GSPT1: variants seen among roughly 807,000 people sequenced by gnomAD.
The protein encoded by GSPT1 is G1 to S phase transition 1.
Under a neutral mutation model 72.5 loss-of-function variants are expected in GSPT1, and 20 were observed. The observed-to-expected ratio is 0.28, with a 90% CI of 0.19 to 0.40. The LOEUF (loss-of-function observed/expected upper bound fraction) is 0.40. Ranked by LOEUF, GSPT1 falls within the 10% of genes least tolerant of loss-of-function variation. The probability of loss-of-function intolerance (pLI) is 1.00; values close to 1 mark genes in which losing one functional copy is unlikely to be tolerated. For missense variants in GSPT1, 580 were observed against 811.9 expected, an observed-to-expected ratio of 0.71 and a Z score of 3.47; for synonymous variants, 334 against 293.5, an observed-to-expected ratio of 1.14 and a Z score of -1.41.
chr16:11,915,374 C>T lies in GSPT1; in HGVS notation c.347G>A (p.Arg116His), dbSNP rs1432502410. Reference sequence around the variant, plus strand: ...CCCGCGTCCCGGGCCTTTACCCGCACGGCCTCCCGCGCCGCTGCCGGCTCC... The same window carrying T: ...CCCGCGTCCCGGGCCTTTACCCGCATGGCCTCCCGCGCCGCTGCCGGCTCC... The part of the protein sequence containing the change: ...NHGAGSGAGG[R>H]AAPVESSQEE... Residue 116 changes from arginine (R) to histidine (H), a missense_variant, in exon 1 of 15, where the codon CGT becomes CAT. This residue lies in a region of GSPT1 where 327 missense variants were observed against 298.8 expected (regional missense o/e 1.09). Transcript: ENST00000434724. 2.0e-6 allele frequency: 3 copies of T among 1,481,670 alleles called. No homozygotes were observed. The highest frequency in any genetic ancestry group is 1.8e-6 in the Non-Finnish European group (2 of 1,121,432). The allele number at this position is 1,481,670 out of a possible 1,614,324, so 91.8% of individuals were successfully genotyped here. A position where few individuals can be genotyped will look rare whatever the true frequency, so the allele number is the denominator to read the frequency against.
chr16:11,874,994 A>C (rs976803262), intron 14 of GSPT1, among the ~76,000 whole-genome samples: 4 of 152,230 alleles, frequency 2.6e-5, no homozygotes, highest in Admixed American at 6.5e-5. Flanking sequence ...GATCAAGACC[A>C]TCCTGGCTAA....
chr16:11,868,166 A>C lies in GSPT1; in HGVS notation c.*4953T>G, dbSNP rs2053939337. On this transcript the variant is annotated 3_prime_UTR_variant, in exon 15 of 15. Coordinates refer to ENST00000434724, the MANE Select transcript of GSPT1 (RefSeq NM_002094.4). Reference sequence around the variant, plus strand: ...ATGACAACTTTTATTGTTATTACAAAAGCAAATTTAATTTGTCATTTGAAT... The same window carrying C: ...ATGACAACTTTTATTGTTATTACAACAGCAAATTTAATTTGTCATTTGAAT... 6.6e-6 allele frequency: 1 copy of C among 152,224 alleles called. No individual in the cohort carries two copies. Among genetic ancestry groups the C allele is most frequent in the Non-Finnish European group, 1.5e-5 (1 of 68,038 alleles). The allele number at this position is 152,224 out of a possible 1,614,324, so 9.4% of individuals were successfully genotyped here. A position where few individuals can be genotyped will look rare whatever the true frequency, so the allele number is the denominator to read the frequency against.
intron 1 of GSPT1, chr16:11,915,161 C>G: frequency 9.7e-7 from 1 of 1,031,088 alleles, no homozygotes; most frequent in African/African-American, 1.7e-5. Flanking sequence ...GCGCGCTGCC[C>G]GCTGTCCGCT....
At position 11,915,709 on chromosome 16, in the gene GSPT1, G is replaced by A; in HGVS notation, c.12C>T (p.Gly4=). ...CGCCGCCGCCGCCGCCGCCGCCACTGCCCGGATCCATGATCGGGGGGGCCG... is the reference window on the plus strand; with the variant it reads ...CGCCGCCGCCGCCGCCGCCGCCACTACCCGGATCCATGATCGGGGGGGCCG... MDP[G]SGGGGGGGGG... is the part of the protein sequence containing the mutation. The change falls in exon 1 of 15, where the codon GGC becomes GGT. Residue 4 remains glycine, a synonymous_variant. Transcript: ENST00000434724. 5 of 1,509,376 alleles carry A rather than the reference G, an allele frequency of 3.3e-6. No homozygotes were observed. Among genetic ancestry groups the A allele is most frequent in the Non-Finnish European group, 4.4e-6 (5 of 1,135,484 alleles). The allele number at this position is 1,509,376 out of a possible 1,614,324, so 93.5% of individuals were successfully genotyped here.
intron 6 of GSPT1, among the ~76,000 whole-genome samples, 172 bp from the exon 7 acceptor site, chr16:11,887,922 T>C (rs1308291253): frequency 6.6e-6 from 1 of 152,218 alleles, no homozygotes; most frequent in Non-Finnish European, 1.5e-5. Flanking sequence ...CTGAGCACTT[T>C]GGGAGGCCAA....
intron 1 of GSPT1, chr16:11,914,966 T>C: frequency 3.2e-6 from 4 of 1,262,784 alleles, no homozygotes; most frequent in Non-Finnish European, 4.1e-6. Flanking sequence ...CCTCCCCAAC[T>C]CCTGGGATCT....
rs2053983260 is a variant in GSPT1 at position 11,871,872 on chromosome 16, T to A, written c.*1247A>T. 6.6e-6 allele frequency: 1 copy of A among 152,166 alleles called. No individual in the cohort carries two copies. The highest frequency in any genetic ancestry group is 6.5e-5 in the Admixed American group (1 of 15,278). 9.4% of individuals were successfully genotyped at this position (152,166 alleles called of 1,614,324 possible). A position where few individuals can be genotyped will look rare whatever the true frequency, so the allele number is the denominator to read the frequency against. On this transcript the variant is annotated 3_prime_UTR_variant, in exon 15 of 15. Coordinates refer to ENST00000434724, the MANE Select transcript of GSPT1 (RefSeq NM_002094.4). The stretch of plus-strand genomic sequence containing the variant: ...GTCATTCAATCTAAAACCCACACAA[T>A]GCTGCACTGTGGTTCATCAAAAACA...
chr16:11,912,638 C>T (rs1248971094), intron 1 of GSPT1, among the ~76,000 whole-genome samples: 1 of 152,048 alleles, frequency 6.6e-6, no homozygotes, highest in African/African-American at 2.4e-5. Context: ...TTCAAGTAAC[C>T]CTAAAATTAC....
intron 1 of GSPT1, chr16:11,908,888 T>G (rs1392912485): frequency 3.3e-5 from 5 of 152,262 alleles, no homozygotes; most frequent in Admixed American, 3.3e-4. Flanking sequence ...AGGTGGAGGT[T>G]GCAGTGAGCC....
chr16:11,914,726 G>A (rs558997702), intron 1 of GSPT1, among the ~76,000 whole-genome samples: 3 of 152,310 alleles, frequency 2.0e-5, no homozygotes, highest in East Asian at 1.9e-4. Context: ...CTAACTTTGT[G>A]GCACTTTGTA....
chr16:11,873,262 T>G, intron 14 of GSPT1, 91 bp from the exon 15 acceptor site: 1 of 652,224 alleles, frequency 1.5e-6, no homozygotes, highest in South Asian at 2.0e-5. Context: ...ACAAAAATAT[T>G]TTTTACAATG....
chr16:11,878,191 C>A (rs2054071091), intron 11 of GSPT1, among the ~76,000 whole-genome samples: 1 of 152,216 alleles, frequency 6.6e-6, no homozygotes, highest in Non-Finnish European at 1.5e-5. Flanking sequence ...TCTTGGCTCA[C>A]TGCAACCTCT....
intron 14 of GSPT1, among the ~76,000 whole-genome samples, chr16:11,873,593 G>A (rs923155667): frequency 6.6e-5 from 10 of 151,920 alleles, no homozygotes; most frequent in African/African-American, 1.9e-4. Context: ...TTACAGGCAT[G>A]AGCCACTGCA....
chr16:11,915,267 C>T lies in GSPT1; in HGVS notation c.352+102G>A, dbSNP rs1030239700. On this transcript the variant is annotated intron_variant, in intron 1 of 14. Coordinates refer to ENST00000434724, the MANE Select transcript of GSPT1 (RefSeq NM_002094.4). Reference sequence around the variant, plus strand: ...AGACGGCGCCACTGTCAGCGCCCCACGTGCCGACCGGGCCCCAGGGCCGCG... The same window carrying T: ...AGACGGCGCCACTGTCAGCGCCCCATGTGCCGACCGGGCCCCAGGGCCGCG... The T allele has an allele frequency of 9.5e-5, 114 of 1,202,272 alleles. No homozygotes were observed. The African/African-American group carries it at 1.6e-3, about 17-fold the overall frequency. The allele number at this position is 1,202,272 out of a possible 1,614,324, so 74.5% of individuals were successfully genotyped here. A position where few individuals can be genotyped will look rare whatever the true frequency, so the allele number is the denominator to read the frequency against.
At chr16:11,912,045 T>TA (rs1306716832) in intron 1 of GSPT1, among the ~76,000 whole-genome samples, 17 of 95,852 alleles carry the variant, frequency 1.8e-4, no homozygotes, top group African/African-American at 6.5e-4. Flanking sequence ...TGTCAATCAT[T>TA]TAAAAAAAAA....
chr16:11,891,304 A>G (rs563657475), intron 5 of GSPT1, among the ~76,000 whole-genome samples, 165 bp from the exon 6 acceptor site: 2 of 147,968 alleles, frequency 1.4e-5, no homozygotes, highest in African/African-American at 4.9e-5. Context: ...CATATATAAC[A>G]TATTTTTATA....
rs2054626883 is a variant in GSPT1, at chr16:11,915,696, C to CGCCGCCGCCACT, written c.13_24dup (p.Ser5_Gly8dup). 1 of 1,495,234 alleles carries CGCCGCCGCCACT rather than the reference C, an allele frequency of 6.7e-7. No homozygotes were observed. The highest frequency in any genetic ancestry group is 1.5e-5 in the African/African-American group (1 of 67,904). 92.6% of individuals were successfully genotyped at this position (1,495,234 alleles called of 1,614,324 possible). On this transcript the variant is annotated inframe_insertion, in exon 1 of 15. Transcript: ENST00000434724. ...CTCCCGCCGCCGCCGCCGCCGCCGC[C>CGCCGCCGCCACT]GCCGCCGCCACTGCCCGGATCCATG...
At chr16:11,908,759 C>CAAAAAAA (rs764948242) in intron 1 of GSPT1, 10 of 25,672 alleles carry the variant, frequency 3.9e-4, no homozygotes, top group Non-Finnish European at 4.9e-4. Context: ...GACTCCGTCT[C>CAAAAAAA]AAAAAAAAAA....
At chr16:11,906,255 G>A (rs780437230) in intron 1 of GSPT1, among the ~76,000 whole-genome samples, 9 of 152,108 alleles carry the variant, frequency 5.9e-5, no homozygotes, top group Non-Finnish European at 8.8e-5. Context: ...TACATTCATT[G>A]CATTTCCATT....
Sources: allele counts gnomAD v4.1 joint callset (sites outside exome capture counted in the v4.1 genomes callset), GRCh38; gene constraint gnomAD v4.1.1; regional missense constraint gnomAD v4.1.1; transcripts MANE v1.5; gene names NCBI Gene and HGNC (gene_info 2026-07-23, HGNC 2026-07-21).